Variants in FAM20B observed in about 807,000 individuals in gnomAD.
FAM20B encodes glycosaminoglycan xylosylkinase.
Under a neutral mutation model 43.8 loss-of-function variants are expected in FAM20B, and 23 were observed. That is an observed-to-expected ratio of 0.53 (90% confidence interval 0.38 to 0.74). The LOEUF is 0.74. Among genes scored for constraint, FAM20B ranks in the 30% least tolerant of loss-of-function variants. FAM20B has a pLI of 0.00. For missense variants in FAM20B, 440 were observed against 510.5 expected (o/e 0.86, Z 1.33); for synonymous variants, 178 against 192.4 (o/e 0.93, Z 0.62).
chr1:179,017,835 G>C, the FAM20B span, among the ~76,000 whole-genome samples: 1 of 152,070 alleles, frequency 6.6e-6, no homozygotes, highest in Admixed American at 6.5e-5. Flanking sequence ...AAAGACATAG[G>C]GTTAATTATT....
At chr1:179,022,459 T>TGCGC (rs1375572538), upstream of FAM20B, among the ~76,000 whole-genome samples, 10 of 152,152 alleles carry the variant, frequency 6.6e-5, no homozygotes, top group African/African-American at 2.4e-4. Context: ...TGTGTGTGTG[T>TGCGC]GTGCGCGCGC....
At chr1:179,066,609 G>T (rs756350339) in intron 6 of FAM20B, among the ~76,000 whole-genome samples, 191 bp from the exon 7 acceptor site, 15 of 152,080 alleles carry the variant, frequency 9.9e-5, no homozygotes, top group Admixed American at 6.5e-4. Context: ...AGATATTTTA[G>T]TACAGGCTGT....
chr1:179,032,752 G>T (rs1650065705), intron 1 of FAM20B, among the ~76,000 whole-genome samples: 1 of 152,144 alleles, frequency 6.6e-6, no homozygotes, highest in Non-Finnish European at 1.5e-5. Flanking sequence ...TTTAGTTGAA[G>T]ACCCTCATGT....
chr1:179,059,324 A>G (rs928980010), intron 4 of FAM20B, among the ~76,000 whole-genome samples: 1 of 152,216 alleles, frequency 6.6e-6, no homozygotes, highest in Admixed American at 6.5e-5. Context: ...GTGTCTGACA[A>G]TATGTCAGGC....
chr1:179,061,371 G>C (rs1318590529), intron 4 of FAM20B, among the ~76,000 whole-genome samples: 1 of 150,392 alleles, frequency 6.6e-6, no homozygotes, highest in African/African-American at 2.5e-5. Flanking sequence ...TTTTTGAAAT[G>C]CTCTCTCTCA....
chr1:179,043,966 C>G lies in FAM20B; in HGVS notation c.119C>G (p.Ala40Gly), dbSNP rs200886195. 1.9e-6 allele frequency: 3 copies of G among 1,614,030 alleles called. No homozygotes were observed. In the African/African-American group the frequency reaches 4.0e-5, roughly 22 times the overall value. Reference protein sequence around the residue: ...TSAANREDQRAFHRMMTGLRV... With the variant: ...TSAANREDQRGFHRMMTGLRV... ...GCTGCCAACCGGGAGGACCAGAGGGCCTTTCACCGAATGATGACTGGCTTG... is the reference window on the plus strand; with the variant it reads ...GCTGCCAACCGGGAGGACCAGAGGGGCTTTCACCGAATGATGACTGGCTTG... The change falls in exon 2 of 8, where the codon GCC becomes GGC. Residue 40 changes from alanine (A) to glycine (G), a missense_variant. Transcript: ENST00000263733.
At chr1:179,045,922 C>A (rs962758477) in intron 2 of FAM20B, among the ~76,000 whole-genome samples, 2 of 151,272 alleles carry the variant, frequency 1.3e-5, no homozygotes, top group African/African-American at 2.4e-5. Flanking sequence ...CAAAAAAAAA[C>A]CGTGGTTATG....
intron 2 of FAM20B, among the ~76,000 whole-genome samples, chr1:179,045,502 A>G (rs1433857593): frequency 6.6e-6 from 1 of 152,256 alleles, no homozygotes; most frequent in Non-Finnish European, 1.5e-5. Context: ...ATGAATGTAT[A>G]GGGAGCCCAG....
rs956474107 is a variant in FAM20B, at chr1:179,073,822, C to T, written c.*1678C>T. 7.2e-5 allele frequency: 11 copies of T among 152,194 alleles called. No individual in the cohort carries two copies. Among genetic ancestry groups the T allele is most frequent in the African/African-American group, 2.7e-4 (11 of 41,442 alleles). The allele number at this position is 152,194 out of a possible 1,614,324, so 9.4% of individuals were successfully genotyped here. ...ACACAGTTTTTGTTTTGTGTTCTGGCAAAGTGATCTCAACATGTAAGTAGT... is the reference window on the plus strand; with the variant it reads ...ACACAGTTTTTGTTTTGTGTTCTGGTAAAGTGATCTCAACATGTAAGTAGT... On this transcript the variant is annotated 3_prime_UTR_variant, in exon 8 of 8. Coordinates refer to ENST00000263733, the MANE Select transcript of FAM20B (RefSeq NM_014864.4).
At position 179,043,819 on chromosome 1, in the gene FAM20B, G is replaced by C. The variant is rs913358491; in HGVS notation, c.-29G>C. Reference sequence around the variant, plus strand: ...CTCTCCTTAATACATGAGCAAGAGTGGGTCAGGGGAGAAGGAAAAGAGGTC... The same window carrying C: ...CTCTCCTTAATACATGAGCAAGAGTCGGTCAGGGGAGAAGGAAAAGAGGTC... On this transcript the variant is annotated 5_prime_UTR_variant, in exon 2 of 8. Coordinates refer to ENST00000263733, the MANE Select transcript of FAM20B (RefSeq NM_014864.4). 5.1e-6 allele frequency: 8 copies of C among 1,557,024 alleles called. No individual in the cohort carries two copies. The highest frequency in any genetic ancestry group is 7.0e-6 in the Non-Finnish European group (8 of 1,147,056).
chr1:179,075,146 T>G lies in FAM20B; in HGVS notation c.*3002T>G, dbSNP rs563702407. The G allele has an allele frequency of 6.6e-6, 1 of 152,084 alleles. No individual in the cohort carries two copies. The highest frequency in any genetic ancestry group is 2.1e-4 in the South Asian group (1 of 4,824). 9.4% of individuals were successfully genotyped at this position (152,084 alleles called of 1,614,324 possible). ...GGCGAAGGTTGCAGTGAGCTGAGAT[T>G]GTGCTGCTGCACTCCAGCCTGGGAG... On this transcript the variant is annotated 3_prime_UTR_variant, in exon 8 of 8. Transcript: ENST00000263733.
chr1:179,070,882 C>T (rs1651893489), intron 7 of FAM20B, among the ~76,000 whole-genome samples: 1 of 152,022 alleles, frequency 6.6e-6, no homozygotes, highest in Non-Finnish European at 1.5e-5. Flanking sequence ...CATGGCCTAA[C>T]GACCTCTTAA....
chr1:179,065,856 C>CT (rs1375059997), intron 6 of FAM20B, among the ~76,000 whole-genome samples: 1 of 152,178 alleles, frequency 6.6e-6, no homozygotes, highest in African/African-American at 2.4e-5. Flanking sequence ...GCTGGGAACT[C>CT]TAAGATGAAG....
At chr1:179,040,622 G>A (rs1303539613) in intron 1 of FAM20B, among the ~76,000 whole-genome samples, 2 of 135,306 alleles carry the variant, frequency 1.5e-5, no homozygotes, top group South Asian at 2.3e-4. Flanking sequence ...CCGGGCAGAG[G>A]CGCCCCTCAC....
chr1:179,037,910 A>G (rs1650317708), intron 1 of FAM20B, among the ~76,000 whole-genome samples: 1 of 152,208 alleles, frequency 6.6e-6, no homozygotes, highest in Non-Finnish European at 1.5e-5. Context: ...TTCAAAACTT[A>G]AAAGGACACA....
rs563898156 is a variant in FAM20B, at chr1:179,032,276, G to GCA, written c.-134+6180_-134+6181dup. 4.6e-3 allele frequency among the ~76,000 whole-genome samples: 688 copies of GCA among 150,076 alleles called. 2 individuals are homozygous for GCA. The highest frequency in any genetic ancestry group is 6.6e-3 in the Non-Finnish European group (448 of 67,744). On this transcript the variant is annotated intron_variant, in intron 1 of 7. Transcript: ENST00000263733. ...CAAGTGATTACTGTGGGTCATCCAG[G>GCA]CACTAATCTTAGCACAACACATGTA...
intron 3 of FAM20B, among the ~76,000 whole-genome samples, chr1:179,052,849 C>T (rs971627815): frequency 2.0e-5 from 3 of 152,208 alleles, no homozygotes; most frequent in Non-Finnish European, 4.4e-5. Context: ...CAACTCCCTT[C>T]TTCCTATCCT....
Position 179,064,089 on chromosome 1 carries a change from A to T in FAM20B, c.737A>T (p.Lys246Ile). 1 of 1,609,252 alleles carries T rather than the reference A, an allele frequency of 6.2e-7. No homozygotes were observed. Among genetic ancestry groups the T allele is most frequent in the Non-Finnish European group, 8.5e-7 (1 of 1,178,336 alleles). Residue 246 changes from lysine to isoleucine, a missense_variant, in exon 5 of 8, where the codon AAA (lysine) becomes ATA (isoleucine). By Grantham distance (102) the Lys-to-Ile change is moderately radical. Coordinates refer to ENST00000263733, the MANE Select transcript of FAM20B (RefSeq NM_014864.4). ...HPWGRTYREGKLARWEYDESY... is the reference protein window; with the variant it reads ...HPWGRTYREGILARWEYDESY... ...TGGGGCAGGACTTACCGAGAAGGCA[A>T]ATTGGCCAGGTAAATGCTCCTATGA...
intron 1 of FAM20B, among the ~76,000 whole-genome samples, chr1:179,032,824 T>C (rs1236505248): frequency 6.6e-6 from 1 of 152,184 alleles, no homozygotes; most frequent in Admixed American, 6.5e-5. Context: ...TGGGCTGGTT[T>C]TCCCAGGGTA....
Sources: allele counts gnomAD v4.1 joint callset (sites outside exome capture counted in the v4.1 genomes callset), GRCh38; gene constraint gnomAD v4.1.1; transcripts MANE v1.5; gene names NCBI Gene and HGNC (gene_info 2026-07-23, HGNC 2026-07-21).